The following TXNL4B variants were observed in gnomAD, a reference collection of about 807,000 sequenced individuals.
The protein encoded by TXNL4B is thioredoxin-like protein 4B.
TXNL4B carries 12 observed loss-of-function variants against 13.0 expected under a neutral mutation model. That is an observed-to-expected ratio of 0.92 (90% confidence interval 0.59 to 1.49). The LOEUF is 1.49. Among genes scored for constraint, TXNL4B ranks in the 40% most tolerant of loss-of-function variants. The pLI is 0.00. For synonymous variants in TXNL4B, 59 were observed against 58.9 expected (o/e 1.00, Z -0.01); for missense variants, 214 against 173.6 (o/e 1.23, Z -1.31).
At chr16:72,091,925 C>T (rs1228546069) in intron 1 of TXNL4B, among the ~76,000 whole-genome samples, 1 of 152,186 alleles carries the variant, frequency 6.6e-6, no homozygotes, top group African/African-American at 2.4e-5. Flanking sequence ...AATTTCTAGT[C>T]CAGGGGTCCT....
intron 3 of TXNL4B, among the ~76,000 whole-genome samples, 183 bp downstream of exon 3, chr16:72,088,804 A>G (rs2041860056): frequency 6.6e-6 from 1 of 152,230 alleles, no homozygotes; most frequent in Admixed American, 6.5e-5. Flanking sequence ...TGACAATCAT[A>G]CCAGAAGCAC....
rs748967090 is a variant in TXNL4B, at chr16:72,089,149, C to CGA, written c.133-13_133-12dup. On this transcript the variant is annotated splice_polypyrimidine_tract_variant and intron_variant, in intron 2 of 3. Coordinates refer to ENST00000268483, the MANE Select transcript of TXNL4B (RefSeq NM_017853.3). ...AGAGGTCTTAGAAAGCTGCAAATGA[C>CGA]GAGAGAGACAAAGGTTACAATATGA... is the stretch of plus-strand genomic sequence containing the variant. The CGA allele has an allele frequency of 6.2e-7, 1 of 1,601,734 alleles. No individual in the cohort carries two copies.
intron 1 of TXNL4B, among the ~76,000 whole-genome samples, chr16:72,091,649 T>G (rs528608895): frequency 1.3e-5 from 2 of 152,362 alleles, no homozygotes; most frequent in East Asian, 3.9e-4. Context: ...TTCTTGCATG[T>G]GTTACACTTT....
In TXNL4B at chr16:72,085,974, G is replaced by T. The variant is rs1172828681; in HGVS notation, c.*663C>A. ...GCCGAGATCGCGCCACTGCACTCCA[G>T]CCTGGGTGACAAGAGTGACTCGGTC... On this transcript the variant is annotated 3_prime_UTR_variant, in exon 4 of 4. Coordinates refer to ENST00000268483, the MANE Select transcript of TXNL4B (RefSeq NM_017853.3). 6.6e-6 allele frequency: 1 copy of T among 150,414 alleles called. No homozygotes were observed. The highest frequency in any genetic ancestry group is 1.5e-5 in the Non-Finnish European group (1 of 67,834). The allele number at this position is 150,414 out of a possible 1,614,324, so 9.3% of individuals were successfully genotyped here.
intron 2 of TXNL4B, chr16:72,090,164 C>T (rs908407738): frequency 1.4e-4 from 66 of 456,168 alleles, no homozygotes; most frequent in African/African-American, 1.2e-3. Context: ...CAGGCACATA[C>T]TGGAGGCAGC....
At chr16:72,087,253 TA>T (rs2041836311) in intron 3 of TXNL4B, 1 of 153,500 alleles carries the variant, frequency 6.5e-6, no homozygotes, top group East Asian at 1.9e-4. Flanking sequence ...TATGTTACTG[TA>T]AAAATTTTAA....
At chr16:72,089,171 A>G (rs2041866331) in intron 2 of TXNL4B, 33 bp from the exon 3 acceptor site, 1 of 1,573,250 alleles carries the variant, frequency 6.4e-7, no homozygotes, top group East Asian at 2.3e-5. Context: ...AGGTTACAAT[A>G]TGAGAGGCAG....
chr16:72,090,882 T>C, intron 1 of TXNL4B, 96 bp from the exon 2 acceptor site: 1 of 988,776 alleles, frequency 1.0e-6, no homozygotes, highest in East Asian at 2.5e-5. Flanking sequence ...TGTATTCACA[T>C]GGTATGAAAG....
rs2041801324 is a variant in TXNL4B at position 72,084,917 on chromosome 16, T to C, written c.*1720A>G. The stretch of plus-strand genomic sequence containing the variant: ...CTGAGGCAGGCAGGTCCAGAGTTCA[T>C]GCAGGAGCTCAATAACATCAGAGAT... On this transcript the variant is annotated 3_prime_UTR_variant, in exon 4 of 4. Transcript: ENST00000268483. 5.0e-6 allele frequency: 2 copies of C among 398,642 alleles called. No individual in the cohort carries two copies. Among genetic ancestry groups the C allele is most frequent in the Admixed American group, 4.4e-5 (1 of 22,736 alleles). The allele number at this position is 398,642 out of a possible 1,614,324, so 24.7% of individuals were successfully genotyped here. A position where few individuals can be genotyped will look rare whatever the true frequency, so the allele number is the denominator to read the frequency against.
Position 72,088,995 on chromosome 16 carries a change from C to T in TXNL4B, c.276G>A (p.Val92=), listed in dbSNP as rs1488721107. ...VFFFNGQHMK[V]DYGSPDHTKF... is the part of the protein sequence containing the mutation. ...AGATCAACTGCACTTACCCATAATC[C>T]ACTTTCATATGCTGCCCATTGAAGA... is the stretch of plus-strand genomic sequence containing the variant. Residue 92 remains valine, a synonymous_variant, in exon 3 of 4, where the codon GTG becomes GTA. Transcript: ENST00000268483. The T allele has an allele frequency of 2.5e-6, 4 of 1,600,910 alleles. No homozygotes were observed. The highest frequency in any genetic ancestry group is 3.4e-6 in the Non-Finnish European group (4 of 1,170,354).
At chr16:72,091,270 C>T (rs965512917) in intron 1 of TXNL4B, among the ~76,000 whole-genome samples, 5 of 144,602 alleles carry the variant, frequency 3.5e-5, no homozygotes, top group Non-Finnish European at 4.4e-5. Flanking sequence ...GAAGAAGCCA[C>T]GGTAGGAAGC....
In TXNL4B at chr16:72,093,522, T is replaced by C. The variant is rs2144117811; in HGVS notation, c.-193A>G. ...AGGGGCTGTTGCCTAGCAACCCTCG[T>C]GGCCCCGCTAGCGGGAAGGAAACCG... is the stretch of plus-strand genomic sequence containing the variant. On this transcript the variant is annotated 5_prime_UTR_variant, in exon 1 of 4. Coordinates refer to ENST00000268483, the MANE Select transcript of TXNL4B (RefSeq NM_017853.3). 6.6e-6 allele frequency: 1 copy of C among 152,422 alleles called. No individual in the cohort carries two copies. The highest frequency in any genetic ancestry group is 2.4e-5 in the African/African-American group (1 of 41,584). The allele number at this position is 152,422 out of a possible 1,614,324, so 9.4% of individuals were successfully genotyped here. A position where few individuals can be genotyped will look rare whatever the true frequency, so the allele number is the denominator to read the frequency against.
rs761160251 is a variant in TXNL4B, at chr16:72,086,675, T to A, written c.412A>T (p.Asn138Tyr). Reference protein sequence around the residue: ...LIVQSPIDPKNIPKYDLLYQD... With the variant: ...LIVQSPIDPKYIPKYDLLYQD... ...TAGAGAAGGTCATATTTGGGAATAT[T>A]CTTGGGATCAATAGGACTTTGGACA... is the stretch of plus-strand genomic sequence containing the variant. The change falls in exon 4 of 4, where the codon AAT (asparagine) becomes TAT (tyrosine). Residue 138 changes from asparagine (N) to tyrosine (Y), a missense_variant. Physicochemically the swap from Asn to Tyr is moderately radical, Grantham distance 143. Coordinates refer to ENST00000268483, the MANE Select transcript of TXNL4B (RefSeq NM_017853.3). The A allele has an allele frequency of 3.9e-5, 63 of 1,613,834 alleles. No individual in the cohort carries two copies. The highest frequency in any genetic ancestry group is 4.8e-5 in the Non-Finnish European group (57 of 1,179,832).
At chr16:72,090,235 T>C (rs1053267721) in intron 2 of TXNL4B, 21 of 459,250 alleles carry the variant, frequency 4.6e-5, no homozygotes, top group African/African-American at 3.4e-4. Context: ...CTCTGCAATA[T>C]AGTGGATCTG....
upstream of TXNL4B, chr16:72,093,671 G>A (rs916777752): frequency 6.6e-6 from 1 of 152,330 alleles, no homozygotes; most frequent in South Asian, 2.1e-4. Flanking sequence ...CGGAAGCTAG[G>A]CGTCACCTCC....
At chr16:72,088,019 CTG>C (rs2041848918) in intron 3 of TXNL4B, among the ~76,000 whole-genome samples, 3 of 152,192 alleles carry the variant, frequency 2.0e-5, no homozygotes, top group Non-Finnish European at 2.9e-5. Context: ...CAGGGTTTCA[CTG>C]TGTTAGCCAG....
Position 72,086,533 on chromosome 16 carries a change from T to C in TXNL4B, c.*104A>G. ...TACACGCAAGTCAAACCTCTTCTCC[T>C]CTGGGACACATGTTTCCAAAGGACT... On this transcript the variant is annotated 3_prime_UTR_variant, in exon 4 of 4. Transcript: ENST00000268483. 1 of 1,152,406 alleles carries C rather than the reference T, an allele frequency of 8.7e-7. No homozygotes were observed. The allele number at this position is 1,152,406 out of a possible 1,614,324, so 71.4% of individuals were successfully genotyped here.
rs2526344 is a variant in TXNL4B, at chr16:72,090,063, T to C, written c.132+555A>G. The C allele has an allele frequency of 1.8e-5, 8 of 455,646 alleles. No homozygotes were observed. In the Admixed American group the frequency reaches 1.9e-4, roughly 11 times the overall value. 28.2% of individuals were successfully genotyped at this position (455,646 alleles called of 1,614,324 possible). ...CACACCCTCATTGTAACCACGGAAA[T>C]GAGGATTTGTACGCTCAGCTCTTAC... On this transcript the variant is annotated intron_variant, in intron 2 of 3. Coordinates refer to ENST00000268483, the MANE Select transcript of TXNL4B (RefSeq NM_017853.3).
intron 3 of TXNL4B, 150 bp from the exon 4 acceptor site, chr16:72,086,952 T>G (rs944438202): frequency 3.6e-5 from 24 of 661,084 alleles, no homozygotes; most frequent in Admixed American, 1.3e-4. Flanking sequence ...AATTTTTCAA[T>G]CATTTTTTTC....
Sources: allele counts gnomAD v4.1 joint callset (sites outside exome capture counted in the v4.1 genomes callset), GRCh38; gene constraint gnomAD v4.1.1; transcripts MANE v1.5; gene names NCBI Gene and HGNC (gene_info 2026-07-23, HGNC 2026-07-21).